The following HPS3 variants were observed in gnomAD, a reference collection of about 807,000 sequenced individuals.
The protein encoded by HPS3 is BLOC-2 complex member HPS3.
HPS3 carries 79 observed loss-of-function variants against 110.9 expected under a neutral mutation model. That is an observed-to-expected ratio of 0.71 (90% CI 0.59 to 0.86). HPS3 has a LOEUF of 0.86. Among genes scored for constraint, HPS3 ranks in the 40% least tolerant of loss-of-function variants. The pLI is 0.00. For synonymous variants in HPS3, 428 were observed against 451.0 expected, an observed-to-expected ratio of 0.95 and a Z score of 0.65; for missense variants, 1,197 against 1,206.2, an observed-to-expected ratio of 0.99 and a Z score of 0.11.
In HPS3 at chr3:149,162,892, A is replaced by G. The variant is rs767490439; in HGVS notation, c.2481+14A>G. 1 of 1,602,752 alleles carries G rather than the reference A, an allele frequency of 6.2e-7. No individual in the cohort carries two copies. Among genetic ancestry groups the G allele is most frequent in the Non-Finnish European group, 8.5e-7 (1 of 1,169,794 alleles). ...TCGGAGGATCTGGTAAGATAATGGA[A>G]TAATACCTTAAATTTAACTCATGCA... On this transcript the variant is annotated intron_variant, in intron 13 of 16. Coordinates refer to ENST00000296051, the MANE Select transcript of HPS3 (RefSeq NM_032383.5).
chr3:149,163,125 C>T (rs944971408), intron 13 of HPS3, among the ~76,000 whole-genome samples: 3 of 152,194 alleles, frequency 2.0e-5, no homozygotes, highest in Admixed American at 6.5e-5. Flanking sequence ...AGTGGTAGCT[C>T]AGTTGCCAAA....
intron 14 of HPS3, among the ~76,000 whole-genome samples, chr3:149,164,259 A>C (rs143395757): frequency 6.6e-6 from 1 of 152,256 alleles, no homozygotes; most frequent in South Asian, 2.1e-4. Flanking sequence ...AAGTGTGGCA[A>C]ATGTTTAGTG....
chr3:149,171,953 C>T (rs1441914737), intron 16 of HPS3, 142 bp from the exon 17 acceptor site: 1 of 649,602 alleles, frequency 1.5e-6, no homozygotes, highest in Admixed American at 2.2e-5. Context: ...GATCTGCCCA[C>T]CTCGGCCTCC....
At chr3:149,162,924 A>G in intron 13 of HPS3, 46 bp downstream of exon 13, 2 of 1,433,630 alleles carry the variant, frequency 1.4e-6, no homozygotes, top group Non-Finnish European at 2.0e-6. Context: ...TGCATTGCCC[A>G]TTACAAAAAC....
At chr3:149,159,081 G>C (rs1417309654) in intron 10 of HPS3, among the ~76,000 whole-genome samples, 1 of 152,150 alleles carries the variant, frequency 6.6e-6, no homozygotes, top group East Asian at 1.9e-4. Flanking sequence ...CATGTGGTCT[G>C]TTGTAGTCTC....
At chr3:149,139,596 G>A (rs1172698095) in intron 1 of HPS3, among the ~76,000 whole-genome samples, 1 of 152,174 alleles carries the variant, frequency 6.6e-6, no homozygotes, top group African/African-American at 2.4e-5. Context: ...GGGAAGGAGA[G>A]GGTTTGAAAT....
At chr3:149,166,836 C>T (rs1417590589) in intron 14 of HPS3, among the ~76,000 whole-genome samples, 198 bp from the exon 15 acceptor site, 1 of 152,144 alleles carries the variant, frequency 6.6e-6, no homozygotes, top group African/African-American at 2.4e-5. Flanking sequence ...TTAAAGAGAT[C>T]TTTAAACTAG....
At chr3:149,143,134 C>T (rs570672097) in intron 4 of HPS3, among the ~76,000 whole-genome samples, 1 of 152,254 alleles carries the variant, frequency 6.6e-6, no homozygotes, top group Admixed American at 6.5e-5. Flanking sequence ...ATCCAGTGAG[C>T]TTCCCATAGC....
At chr3:149,133,794 GTTTT>G (rs903985525) in intron 1 of HPS3, among the ~76,000 whole-genome samples, 1 of 151,316 alleles carries the variant, frequency 6.6e-6, no homozygotes, top group Non-Finnish European at 1.5e-5. Context: ...ACATTGCTTT[GTTTT>G]TTTGTTTGTT....
chr3:149,149,214 C>T lies in HPS3; in HGVS notation c.1164-1385C>T, dbSNP rs910889030. 8.6e-5 allele frequency among the ~76,000 whole-genome samples: 13 copies of T among 151,460 alleles called. No homozygotes were observed. In the South Asian group the frequency reaches 1.0e-3, roughly 12 times the overall value. ...TCCTGACCTCATGATCCGCCTGTCTCGGCCTCCCAAAATGCTGGGATTACA... is the reference window on the plus strand; with the variant it reads ...TCCTGACCTCATGATCCGCCTGTCTTGGCCTCCCAAAATGCTGGGATTACA... On this transcript the variant is annotated intron_variant, in intron 5 of 16. Coordinates refer to ENST00000296051, the MANE Select transcript of HPS3 (RefSeq NM_032383.5).
rs1322945771 is a variant in HPS3 at position 149,140,430 on chromosome 3, C to A, written c.644C>A (p.Pro215His). Reference protein sequence around the residue: ...EVLIVKLESGPKNGERVHHHP... With the variant: ...EVLIVKLESGHKNGERVHHHP... ...TTAATCGTAAAACTGGAGTCAGGCC[C>A]TAAAAATGGAGAGAGAGTTCACCAC... The change falls in exon 2 of 17, where the codon CCT becomes CAT. Residue 215 changes from proline to histidine, a missense_variant. By Grantham distance (77) the Pro-to-His change is moderately conservative. Transcript: ENST00000296051. The A allele has an allele frequency of 6.2e-7, 1 of 1,612,302 alleles. No homozygotes were observed. Among genetic ancestry groups the A allele is most frequent in the Admixed American group, 1.7e-5 (1 of 59,756 alleles).
chr3:149,150,590 C>A lies in HPS3; in HGVS notation c.1164-9C>A, dbSNP rs1356786533. 1.2e-6 allele frequency: 2 copies of A among 1,613,274 alleles called. No homozygotes were observed. Among genetic ancestry groups the A allele is most frequent in the African/African-American group, 2.7e-5 (2 of 74,912 alleles). ...CACTTTGCTCAGCAGCCTGTGTCTT[C>A]CTCCTCAGTAACAACCTGCAGTGTT... On this transcript the variant is annotated splice_polypyrimidine_tract_variant and intron_variant, in intron 5 of 16. Transcript: ENST00000296051.
intron 11 of HPS3, 38 bp downstream of exon 11, chr3:149,160,317 T>C: frequency 7.6e-7 from 1 of 1,313,356 alleles, no homozygotes; most frequent in South Asian, 1.2e-5. Flanking sequence ...AAGGCTGAAA[T>C]AGGACCTGGT....
Position 149,129,942 on chromosome 3 carries a change from T to C in HPS3, c.217+2T>C. The C allele has an allele frequency of 6.5e-7, 1 of 1,540,630 alleles. No individual in the cohort carries two copies. The highest frequency in any genetic ancestry group is 8.7e-7 in the Non-Finnish European group (1 of 1,149,606). On this transcript the variant is annotated splice_donor_variant, in intron 1 of 16. Transcript: ENST00000296051. LOFTEE classifies it high-confidence loss of function. ...TGCGCCTGGCCTACAGCGAGGCTGGTGAGTAATCTAGAGAGCCAGGGGCCG... is the reference window on the plus strand; with the variant it reads ...TGCGCCTGGCCTACAGCGAGGCTGGCGAGTAATCTAGAGAGCCAGGGGCCG...
chr3:149,169,334 T>G (rs1053297833), intron 16 of HPS3, among the ~76,000 whole-genome samples: 1 of 152,200 alleles, frequency 6.6e-6, no homozygotes, highest in Admixed American at 6.5e-5. Context: ...GTTCCAGGTT[T>G]GCCACTTACT....
chr3:149,143,734 A>G (rs1234447202), intron 4 of HPS3, among the ~76,000 whole-genome samples: 1 of 152,234 alleles, frequency 6.6e-6, no homozygotes, highest in East Asian at 1.9e-4. Context: ...CTCTTTGGCC[A>G]GAGCACAGAT....
intron 6 of HPS3, 143 bp downstream of exon 6, chr3:149,150,823 G>A (rs1723058135): frequency 7.0e-6 from 5 of 719,146 alleles, no homozygotes; most frequent in South Asian, 3.0e-5. Flanking sequence ...ACTTTTGGAT[G>A]TAAAATAGTG....
chr3:149,167,896 C>T lies in HPS3; in HGVS notation c.2800C>T (p.Leu934=), dbSNP rs767242000. The change falls in exon 16 of 17, where the codon CTG becomes TTG. Residue 934 remains leucine (L), a synonymous_variant. Transcript: ENST00000296051. ...NHELKEENRT[L]WWKKLLPELC... ...TATTCATTTTTTCCTAAGATAGACT[C>T]TGTGGTGGAAAAAACTGTTGCCTGA... 4.4e-6 allele frequency: 7 copies of T among 1,582,386 alleles called. No homozygotes were observed. The highest frequency in any genetic ancestry group is 2.2e-5 in the South Asian group (2 of 90,450).
At chr3:149,144,064 A>C (rs1210976605) in intron 4 of HPS3, among the ~76,000 whole-genome samples, 3 of 152,160 alleles carry the variant, frequency 2.0e-5, no homozygotes, top group Non-Finnish European at 4.4e-5. Context: ...ACTTAAACCC[A>C]AAATGCTATT....
Sources: gnomAD v4.1 joint callset for allele counts (sites outside exome capture counted in the v4.1 genomes callset) on GRCh38, gnomAD v4.1.1 for gene constraint, MANE v1.5 for transcripts, NCBI Gene and HGNC (gene_info 2026-07-23, HGNC 2026-07-21) for gene names.